Variants in ATP13A4 observed in about 807,000 individuals in gnomAD.
ATP13A4 encodes probable cation-transporting ATPase 13A4.
In ATP13A4, 114 loss-of-function variants were observed where a neutral mutation model predicts 142.5. That is an observed-to-expected ratio of 0.80 (90% CI 0.69 to 0.93). The LOEUF (loss-of-function observed/expected upper bound fraction) is 0.93. ATP13A4 is among the 40% of genes least tolerant of loss of function. The pLI is 0.00. For synonymous variants in ATP13A4, 488 were observed against 514.8 expected, an observed-to-expected ratio of 0.95 and a Z score of 0.70; for missense variants, 1,392 against 1,454.0, an observed-to-expected ratio of 0.96 and a Z score of 0.69.
chr3:193,408,392 T>C (rs554261405), intron 28 of ATP13A4, among the ~76,000 whole-genome samples: 1 of 152,346 alleles, frequency 6.6e-6, no homozygotes, highest in South Asian at 2.1e-4. Context: ...ACATATGACA[T>C]ATACATAATA....
At chr3:193,501,053 C>G (rs920214677) in intron 3 of ATP13A4, among the ~76,000 whole-genome samples, 1 of 152,212 alleles carries the variant, frequency 6.6e-6, no homozygotes, top group African/African-American at 2.4e-5. Context: ...TCACAACTTT[C>G]CATTTCAAGA....
At chr3:193,490,809 G>A (rs1719902073) in intron 6 of ATP13A4, among the ~76,000 whole-genome samples, 1 of 152,132 alleles carries the variant, frequency 6.6e-6, no homozygotes. Context: ...GGAAGCCAGA[G>A]GACAGCTAGA....
chr3:193,461,629 A>AT (rs1381265191), intron 13 of ATP13A4, among the ~76,000 whole-genome samples: 1 of 152,238 alleles, frequency 6.6e-6, no homozygotes, highest in African/African-American at 2.4e-5. Flanking sequence ...TGTAATTAAC[A>AT]TTTTATGGAT....
At chr3:193,528,008 C>T (rs1722106294) in intron 1 of ATP13A4, among the ~76,000 whole-genome samples, 1 of 152,240 alleles carries the variant, frequency 6.6e-6, no homozygotes, top group Admixed American at 6.5e-5. Context: ...AAGGTCATAA[C>T]TCTCGTCCGT....
intron 29 of ATP13A4, 60 bp downstream of exon 29, chr3:193,407,253 T>C (rs1000050929): frequency 4.8e-6 from 7 of 1,459,800 alleles, no homozygotes; most frequent in Non-Finnish European, 6.7e-6. Context: ...CCCAAAGAAG[T>C]CCCCCTACAC....
At chr3:193,434,077 G>C (rs1305941553) in intron 24 of ATP13A4, among the ~76,000 whole-genome samples, 160 bp from the exon 25 acceptor site, 1 of 152,138 alleles carries the variant, frequency 6.6e-6, no homozygotes, top group Non-Finnish European at 1.5e-5. Flanking sequence ...TGATGGTGTT[G>C]GTGGAAGTAA....
At chr3:193,469,158 A>G (rs932388115) in intron 9 of ATP13A4, among the ~76,000 whole-genome samples, 1 of 152,228 alleles carries the variant, frequency 6.6e-6, no homozygotes, top group Non-Finnish European at 1.5e-5. Flanking sequence ...GAGCAGCACC[A>G]ACAATTCAGG....
chr3:193,410,869 C>T, intron 28 of ATP13A4, 113 bp downstream of exon 28: 1 of 724,636 alleles, frequency 1.4e-6, no homozygotes. Context: ...CTCTGCCATC[C>T]CAAAAGAATA....
chr3:193,472,821 A>G (rs1718702730), intron 8 of ATP13A4, among the ~76,000 whole-genome samples: 1 of 152,194 alleles, frequency 6.6e-6, no homozygotes, highest in South Asian at 2.1e-4. Context: ...TGTAGATAAA[A>G]TGACGTTAAT....
At chr3:193,439,871 G>A (rs763435618) in intron 21 of ATP13A4, among the ~76,000 whole-genome samples, 6 of 152,124 alleles carry the variant, frequency 3.9e-5, no homozygotes, top group Admixed American at 3.3e-4. Context: ...GCCTGATAAC[G>A]GAATCAAATG....
chr3:193,548,993 C>A (rs1269780979), intron 1 of ATP13A4, among the ~76,000 whole-genome samples: 3 of 152,044 alleles, frequency 2.0e-5, no homozygotes. Context: ...AACTTCAAAT[C>A]AAGGAAATGT....
chr3:193,502,349 G>A, intron 3 of ATP13A4, 144 bp downstream of exon 3: 1 of 988,192 alleles, frequency 1.0e-6, no homozygotes, highest in Non-Finnish European at 1.6e-6. Context: ...GCTGAGATTT[G>A]GACTGTCTGG....
At chr3:193,422,800 A>C (rs1560176632) in intron 25 of ATP13A4, among the ~76,000 whole-genome samples, 1 of 149,790 alleles carries the variant, frequency 6.7e-6, no homozygotes, top group Non-Finnish European at 1.5e-5. Context: ...CAACAACCTA[A>C]TGTTGAACCT....
At chr3:193,465,918 G>A in intron 11 of ATP13A4, 107 bp downstream of exon 11, 3 of 1,430,632 alleles carry the variant, frequency 2.1e-6, no homozygotes, top group Non-Finnish European at 2.0e-6. Flanking sequence ...GCTTGGTTTT[G>A]TTTCCCAGGT....
At chr3:193,519,466 C>G (rs1179118129) in intron 1 of ATP13A4, among the ~76,000 whole-genome samples, 1 of 152,048 alleles carries the variant, frequency 6.6e-6, no homozygotes, top group Non-Finnish European at 1.5e-5. Flanking sequence ...CCTTTCCTGC[C>G]TCATGGTCTT....
intron 2 of ATP13A4, among the ~76,000 whole-genome samples, chr3:193,573,909 A>C (rs945962115): frequency 3.3e-5 from 5 of 152,166 alleles, no homozygotes; most frequent in African/African-American, 7.2e-5. Context: ...TAATTGTTTT[A>C]TTTCTTTCTC....
At chr3:193,406,381 C>T (rs928470899) in intron 29 of ATP13A4, among the ~76,000 whole-genome samples, 2 of 152,198 alleles carry the variant, frequency 1.3e-5, no homozygotes, top group African/African-American at 4.8e-5. Context: ...ACCATGAACA[C>T]TCCATTTGCA....
chr3:193,428,906 G>A (rs994780580), intron 25 of ATP13A4, among the ~76,000 whole-genome samples: 9 of 151,858 alleles, frequency 5.9e-5, no homozygotes, highest in South Asian at 4.2e-4. Context: ...AAACCTTCAC[G>A]TTGTGCACAT....
At chr3:193,421,772 A>G (rs1715414610) in intron 25 of ATP13A4, among the ~76,000 whole-genome samples, 1 of 149,900 alleles carries the variant, frequency 6.7e-6, no homozygotes, top group South Asian at 2.1e-4. Flanking sequence ...CATGGTAACT[A>G]CAAAGCAAAA....
Sources: gnomAD v4.1 joint callset for allele counts (sites outside exome capture counted in the v4.1 genomes callset) on GRCh38, gnomAD v4.1.1 for gene constraint, MANE v1.5 for transcripts, NCBI Gene and HGNC (gene_info 2026-07-23, HGNC 2026-07-21) for gene names.